The following DPYD variants were observed in gnomAD, a reference collection of about 807,000 sequenced individuals.
DPYD encodes the protein dihydropyrimidine dehydrogenase [NADP(+)].
Under a neutral mutation model 116.2 loss-of-function variants are expected in DPYD, and 109 were observed. The ratio of observed to expected loss-of-function variants is 0.94; its 90% confidence interval spans 0.80 to 1.10. The LOEUF (loss-of-function observed/expected upper bound fraction) is 1.10, where lower values mean the gene tolerates loss of function less well. Among genes scored for constraint, DPYD ranks in the 50% least tolerant of loss-of-function variants. The pLI is 0.00. For missense variants in DPYD, 1,302 were observed against 1,254.5 expected (o/e 1.04, Z -0.57); for synonymous variants, 440 against 432.0 (o/e 1.02, Z -0.23).
chr1:97,298,203 A>G (rs1222670601), intron 18 of DPYD, among the ~76,000 whole-genome samples: 2 of 152,192 alleles, frequency 1.3e-5, no homozygotes, highest in South Asian at 2.1e-4. Context: ...TTCTTCATCT[A>G]CTGTTCTCAA....
intron 19 of DPYD, among the ~76,000 whole-genome samples, chr1:97,231,266 C>A (rs1661572337): frequency 6.6e-6 from 1 of 152,144 alleles, no homozygotes; most frequent in Non-Finnish European, 1.5e-5. Context: ...GGAAGACAGG[C>A]AATATGCCCA....
chr1:97,607,801 G>T, intron 8 of DPYD, among the ~76,000 whole-genome samples: 1 of 151,840 alleles, frequency 6.6e-6, no homozygotes, highest in East Asian at 1.9e-4. Flanking sequence ...ATTATACAGC[G>T]CATAACACTA....
chr1:97,879,777 A>T (rs1021381533), intron 2 of DPYD, among the ~76,000 whole-genome samples: 5 of 151,922 alleles, frequency 3.3e-5, no homozygotes, highest in African/African-American at 1.2e-4. Context: ...CAAAATTTGT[A>T]TCTATTTTAA....
intron 18 of DPYD, among the ~76,000 whole-genome samples, chr1:97,282,476 C>T (rs1665389992): frequency 6.6e-6 from 1 of 151,722 alleles, no homozygotes; most frequent in South Asian, 2.1e-4. Flanking sequence ...CTCTAATAGA[C>T]AAAAGCAGAA....
intron 2 of DPYD, chr1:97,856,552 A>C (rs946321262): frequency 1.3e-5 from 2 of 152,228 alleles, no homozygotes; most frequent in African/African-American, 2.4e-5. Context: ...AAGACAAATT[A>C]TTAACAATTT....
At chr1:97,583,849 T>C (rs1467454392) in intron 10 of DPYD, among the ~76,000 whole-genome samples, 1 of 152,122 alleles carries the variant, frequency 6.6e-6, no homozygotes, top group East Asian at 1.9e-4. Flanking sequence ...GTCTTTGCTA[T>C]TGTGAATAGT....
At chr1:97,456,868 C>A (rs1676720023) in intron 13 of DPYD, among the ~76,000 whole-genome samples, 1 of 152,062 alleles carries the variant, frequency 6.6e-6, no homozygotes, top group Admixed American at 6.6e-5. Flanking sequence ...AGTCTTGAAT[C>A]AAACATGATG....
At chr1:97,243,030 T>C (rs959321487) in intron 18 of DPYD, among the ~76,000 whole-genome samples, 9 of 151,910 alleles carry the variant, frequency 5.9e-5, no homozygotes, top group African/African-American at 2.2e-4. Flanking sequence ...TTATAATTAA[T>C]TTATTGTAAA....
intron 8 of DPYD, among the ~76,000 whole-genome samples, chr1:97,666,926 A>G (rs1257869441): frequency 2.6e-5 from 4 of 152,246 alleles, no homozygotes; most frequent in African/African-American, 9.6e-5. Flanking sequence ...TTCTTAAAAC[A>G]AGAAGAAAAT....
intron 16 of DPYD, among the ~76,000 whole-genome samples, chr1:97,325,040 A>G (rs74803890): frequency 0.02 from 2,973 of 152,166 alleles, 108 homozygotes; most frequent in African/African-American, 0.068. Flanking sequence ...AAAACAGTTG[A>G]TGAAGTTTTC....
chr1:97,792,396 C>G (rs1288974670), intron 3 of DPYD, among the ~76,000 whole-genome samples: 1 of 151,968 alleles, frequency 6.6e-6, no homozygotes, highest in Non-Finnish European at 1.5e-5. Flanking sequence ...TGCTTCCAGG[C>G]AGCCAACACA....
chr1:97,457,409 T>C (rs1021221346), intron 13 of DPYD, among the ~76,000 whole-genome samples: 2 of 152,154 alleles, frequency 1.3e-5, no homozygotes, highest in Non-Finnish European at 2.9e-5. Context: ...CTGGCTCACA[T>C]AATCATGTAG....
At chr1:97,792,874 T>C (rs768283201) in intron 3 of DPYD, among the ~76,000 whole-genome samples, 1 of 152,252 alleles carries the variant, frequency 6.6e-6, no homozygotes, top group Non-Finnish European at 1.5e-5. Context: ...ACAGGGTAAG[T>C]TGGACAAACT....
intron 16 of DPYD, among the ~76,000 whole-genome samples, chr1:97,350,787 C>A (rs757390972): frequency 2.6e-5 from 4 of 152,104 alleles, no homozygotes; most frequent in Non-Finnish European, 5.9e-5. Context: ...TAACTGGAAT[C>A]TGGTCAATAG....
At chr1:97,344,598 C>CAT (rs983110726) in intron 16 of DPYD, among the ~76,000 whole-genome samples, 11 of 150,072 alleles carry the variant, frequency 7.3e-5, no homozygotes, top group African/African-American at 2.7e-4. Flanking sequence ...TATGTCACCA[C>CAT]ACACACACAC....
chr1:97,139,405 C>A (rs1654045520), intron 20 of DPYD, among the ~76,000 whole-genome samples: 2 of 152,108 alleles, frequency 1.3e-5, no homozygotes, highest in Admixed American at 1.3e-4. Context: ...CAAGATGAAT[C>A]TTTTAAAGAA....
At chr1:97,343,338 T>A (rs886745173) in intron 16 of DPYD, among the ~76,000 whole-genome samples, 1 of 152,150 alleles carries the variant, frequency 6.6e-6, no homozygotes, top group African/African-American at 2.4e-5. Context: ...CAACTGAAAT[T>A]ACATGTTGTT....
At chr1:97,490,264 C>A (rs1041683634) in intron 13 of DPYD, among the ~76,000 whole-genome samples, 1 of 150,634 alleles carries the variant, frequency 6.6e-6, no homozygotes, top group Non-Finnish European at 1.5e-5. Flanking sequence ...TTATCAAGAA[C>A]AACCATTCTG....
intron 13 of DPYD, among the ~76,000 whole-genome samples, chr1:97,500,937 G>A (rs755681331): frequency 1.3e-5 from 2 of 151,970 alleles, no homozygotes; most frequent in African/African-American, 4.8e-5. Context: ...CTGTGCAAGC[G>A]TACCCTAATT....
Sources: allele counts gnomAD v4.1 joint callset (sites outside exome capture counted in the v4.1 genomes callset), GRCh38; gene constraint gnomAD v4.1.1; transcripts MANE v1.5; gene names NCBI Gene and HGNC (gene_info 2026-07-23, HGNC 2026-07-21).